The following PLEKHA7 variants were observed in gnomAD, a reference collection of about 807,000 sequenced individuals.
PLEKHA7 encodes the protein pleckstrin homology domain containing A7.
PLEKHA7 carries 104 observed loss-of-function variants against 170.0 expected under a neutral mutation model. That is an observed-to-expected ratio of 0.61 (90% CI 0.52 to 0.72). The LOEUF (loss-of-function observed/expected upper bound fraction) is 0.72, where lower values mean the gene tolerates loss of function less well. Among genes scored for constraint, PLEKHA7 ranks in the 30% least tolerant of loss-of-function variants. PLEKHA7 has a pLI of 0.00. For synonymous variants in PLEKHA7, 648 were observed against 660.8 expected (o/e 0.98, Z 0.30); for missense variants, 1,615 against 1,671.7 (o/e 0.97, Z 0.59).
At chr11:16,953,457 T>A (rs1182728599) in intron 3 of PLEKHA7, among the ~76,000 whole-genome samples, 1 of 152,166 alleles carries the variant, frequency 6.6e-6, no homozygotes, top group Admixed American at 6.5e-5. Flanking sequence ...TAAGAACAAT[T>A]TTGTACACTA....
chr11:16,796,017 T>C (rs1273806984), intron 17 of PLEKHA7, among the ~76,000 whole-genome samples: 1 of 151,744 alleles, frequency 6.6e-6, no homozygotes, highest in Non-Finnish European at 1.5e-5. Flanking sequence ...CACCACCACA[T>C]CTGGCTAATT....
intron 3 of PLEKHA7, among the ~76,000 whole-genome samples, chr11:16,972,770 A>G (rs898480485): frequency 2.6e-5 from 4 of 152,156 alleles, no homozygotes; most frequent in Non-Finnish European, 4.4e-5. Flanking sequence ...AACACCTCCA[A>G]ACATAAATAG....
chr11:16,794,398 A>G, intron 19 of PLEKHA7, 90 bp downstream of exon 19: 1 of 1,341,264 alleles, frequency 7.5e-7, no homozygotes, highest in Middle Eastern at 1.8e-4. Context: ...CCATTTCCCC[A>G]AGTTTTCCCA....
chr11:16,789,759 G>T lies in PLEKHA7; in HGVS notation c.3156+16C>A. ...TGAAGGAGCAGGGAGGTCCTCGACAGCTCAAGGCCACTCACAGGGAAGGTC... is the reference window on the plus strand; with the variant it reads ...TGAAGGAGCAGGGAGGTCCTCGACATCTCAAGGCCACTCACAGGGAAGGTC... On this transcript the variant is annotated intron_variant, in intron 22 of 26. Transcript: ENST00000531066. This position sits in a 1 kb window ranked among gnomAD's most constrained non-coding sequence, Gnocchi z 4.6. 6.2e-7 allele frequency: 1 copy of T among 1,604,868 alleles called. No homozygotes were observed. Among genetic ancestry groups the T allele is most frequent in the Non-Finnish European group, 8.5e-7 (1 of 1,172,038 alleles).
At chr11:16,965,387 C>T (rs1187717174) in intron 3 of PLEKHA7, among the ~76,000 whole-genome samples, 39 of 151,988 alleles carry the variant, frequency 2.6e-4, no homozygotes, top group Non-Finnish European at 7.4e-5. Flanking sequence ...TAGTTTTTTC[C>T]TCTGAATTTT....
chr11:16,822,955 G>T (rs1406725093), intron 10 of PLEKHA7, among the ~76,000 whole-genome samples: 1 of 151,928 alleles, frequency 6.6e-6, no homozygotes, highest in Non-Finnish European at 1.5e-5. Flanking sequence ...ACATGCACTG[G>T]AATCACCTAG....
At chr11:16,857,016 G>C (rs536664434) in intron 4 of PLEKHA7, among the ~76,000 whole-genome samples, 1 of 152,332 alleles carries the variant, frequency 6.6e-6, no homozygotes, top group East Asian at 1.9e-4. Flanking sequence ...GGATGCAGCT[G>C]ACGAAGCAAC....
chr11:16,909,493 T>A (rs1263243347), intron 3 of PLEKHA7, among the ~76,000 whole-genome samples: 1 of 152,208 alleles, frequency 6.6e-6, no homozygotes, highest in Non-Finnish European at 1.5e-5. Flanking sequence ...GCAGCGGTAG[T>A]ACCCTAGATA....
intron 3 of PLEKHA7, chr11:17,012,929 G>A (rs1369653323): frequency 1.4e-4 from 22 of 152,242 alleles, no homozygotes; most frequent in Non-Finnish European, 2.2e-4. Flanking sequence ...AACCAGAAAA[G>A]GAGGTTCCGG....
At chr11:16,936,421 A>AAAAAAAAAAAG (rs1860305900) in intron 3 of PLEKHA7, among the ~76,000 whole-genome samples, 1 of 145,718 alleles carries the variant, frequency 6.9e-6, no homozygotes. Context: ...AAAAAAAAAA[A>AAAAAAAAAAAG]AAAAATCAGG....
At chr11:16,962,316 T>C (rs1033637934) in intron 3 of PLEKHA7, among the ~76,000 whole-genome samples, 1 of 152,164 alleles carries the variant, frequency 6.6e-6, no homozygotes, top group African/African-American at 2.4e-5. Flanking sequence ...TGAGATCACT[T>C]GTGTAAAAAG....
intron 10 of PLEKHA7, among the ~76,000 whole-genome samples, chr11:16,823,439 C>G (rs1410103710): frequency 6.6e-6 from 1 of 152,152 alleles, no homozygotes; most frequent in African/African-American, 2.4e-5. Flanking sequence ...AAGCATTCCA[C>G]CCTGGGTAAT....
At chr11:16,801,204 T>C in intron 16 of PLEKHA7, 129 bp from the exon 17 acceptor site, 1 of 779,746 alleles carries the variant, frequency 1.3e-6, no homozygotes, top group Non-Finnish European at 2.2e-6. Flanking sequence ...GCAGGCCTGG[T>C]GGGAGAGAGA....
intron 3 of PLEKHA7, among the ~76,000 whole-genome samples, chr11:16,970,548 T>C (rs1359171085): frequency 6.6e-6 from 1 of 152,158 alleles, no homozygotes; most frequent in East Asian, 1.9e-4. Flanking sequence ...GTGCCTGTAG[T>C]CCCAGATACT....
chr11:16,818,670 C>T (rs1000903770), intron 10 of PLEKHA7, among the ~76,000 whole-genome samples: 3 of 152,208 alleles, frequency 2.0e-5, no homozygotes, highest in East Asian at 1.9e-4. Flanking sequence ...TGTTTCACAC[C>T]GTGGTATTGT....
At chr11:16,800,599 T>A (rs572303971) in intron 17 of PLEKHA7, among the ~76,000 whole-genome samples, 1 of 152,170 alleles carries the variant, frequency 6.6e-6, no homozygotes, top group Non-Finnish European at 1.5e-5. Flanking sequence ...GGGTGGGCAC[T>A]TCCTGCTGCT....
chr11:16,936,968 C>T (rs1181146394), intron 3 of PLEKHA7, among the ~76,000 whole-genome samples: 4 of 152,252 alleles, frequency 2.6e-5, no homozygotes, highest in African/African-American at 9.6e-5. Context: ...TGACCTTGGG[C>T]AAGCTGTTTC....
At chr11:16,963,904 G>A (rs1033041966) in intron 3 of PLEKHA7, among the ~76,000 whole-genome samples, 6 of 152,114 alleles carry the variant, frequency 3.9e-5, no homozygotes, top group Non-Finnish European at 8.8e-5. Context: ...TGCAACCAAC[G>A]CCACTATGTT....
chr11:16,998,018 A>T (rs2137013828), intron 3 of PLEKHA7, among the ~76,000 whole-genome samples: 1 of 152,292 alleles, frequency 6.6e-6, no homozygotes, highest in South Asian at 2.1e-4. Context: ...ACACCTGTGC[A>T]TCCAATTACT....
Sources: allele counts gnomAD v4.1 joint callset (sites outside exome capture counted in the v4.1 genomes callset), GRCh38; gene constraint gnomAD v4.1.1; non-coding constraint Gnocchi (gnomAD v3.1); transcripts MANE v1.5; gene names NCBI Gene and HGNC (gene_info 2026-07-23, HGNC 2026-07-21).